The following STRADB variants were observed in gnomAD, a reference collection of about 807,000 sequenced individuals.
The protein encoded by STRADB is STE20 related adaptor beta.
Under a neutral mutation model 52.1 loss-of-function variants are expected in STRADB, and 34 were observed. The observed-to-expected ratio is 0.65, with a 90% CI of 0.50 to 0.87. STRADB has a LOEUF of 0.87. Among genes scored for constraint, STRADB ranks in the 40% least tolerant of loss-of-function variants. The pLI is 0.00. For synonymous variants in STRADB, 133 were observed against 174.5 expected (o/e 0.76, Z 1.87); for missense variants, 340 against 483.9 (o/e 0.70, Z 2.79).
intron 5 of STRADB, among the ~76,000 whole-genome samples, chr2:201,473,930 G>A (rs910903211): frequency 2.9e-5 from 4 of 137,018 alleles, no homozygotes; most frequent in African/African-American, 8.3e-5. Flanking sequence ...TTGCTCAGTC[G>A]CCCAGGCTGG....
At chr2:201,470,136 T>C in intron 4 of STRADB, 84 bp downstream of exon 4, 1 of 1,046,444 alleles carries the variant, frequency 9.6e-7, no homozygotes, top group East Asian at 2.5e-5. Flanking sequence ...GCAAGTGTTT[T>C]TCTGTTGTTA....
At chr2:201,478,647 A>G in intron 10 of STRADB, 46 bp downstream of exon 10, 1 of 1,583,952 alleles carries the variant, frequency 6.3e-7, no homozygotes, top group Non-Finnish European at 8.6e-7. Flanking sequence ...CATGTTTTAC[A>G]TTTTATAGAA....
intron 3 of STRADB, among the ~76,000 whole-genome samples, chr2:201,469,416 TAGG>T (rs1952355558): frequency 6.6e-6 from 1 of 152,196 alleles, no homozygotes; most frequent in South Asian, 2.1e-4. Context: ...GTCATTCACT[TAGG>T]AGGTCTGTCT....
chr2:201,473,275 T>C (rs1026147451), intron 5 of STRADB, among the ~76,000 whole-genome samples, 199 bp downstream of exon 5: 1 of 152,220 alleles, frequency 6.6e-6, no homozygotes, highest in Non-Finnish European at 1.5e-5. Context: ...TAGAAATGAT[T>C]TAAAGTATAT....
chr2:201,465,389 G>A (rs1952285251), intron 3 of STRADB, among the ~76,000 whole-genome samples: 1 of 152,000 alleles, frequency 6.6e-6, no homozygotes, highest in Non-Finnish European at 1.5e-5. Flanking sequence ...TAGAAATGTT[G>A]TCCAGGAGCT....
At chr2:201,474,111 C>T (rs1468897454) in intron 5 of STRADB, among the ~76,000 whole-genome samples, 1 of 152,108 alleles carries the variant, frequency 6.6e-6, no homozygotes, top group East Asian at 1.9e-4. Context: ...AGGATGGTCT[C>T]GATCTCCTGA....
chr2:201,474,699 G>A lies in STRADB; in HGVS notation c.368G>A (p.Trp123Ter). ...FFRHPNITTY[W>*]TVFTVGSWLW... ...CGGCATCCCAATATTACAACTTATT[G>A]GACAGTTTTCACTGTTGGCAGCTGG... Residue 123 changes from tryptophan to a stop codon, truncating the protein, a stop_gained, in exon 6 of 12, where the codon TGG becomes TAG. Transcript: ENST00000194530. LOFTEE classifies it high-confidence loss of function. The A allele has an allele frequency of 6.2e-7, 1 of 1,611,740 alleles. No homozygotes were observed. The highest frequency in any genetic ancestry group is 8.5e-7 in the Non-Finnish European group (1 of 1,179,308).
intron 1 of STRADB, among the ~76,000 whole-genome samples, chr2:201,453,912 T>C (rs1173187925): frequency 6.6e-6 from 1 of 152,226 alleles, no homozygotes; most frequent in Non-Finnish European, 1.5e-5. Flanking sequence ...CTTTGGTTCA[T>C]AGTGAACATC....
intron 7 of STRADB, 56 bp downstream of exon 7, chr2:201,475,798 A>G (rs1286593207): frequency 1.3e-6 from 2 of 1,538,910 alleles, no homozygotes; most frequent in African/African-American, 2.8e-5. Context: ...GAACTCTTTG[A>G]AGGAGGTTTT....
rs1952102797 is a variant in STRADB at position 201,454,785 on chromosome 2, GC to G, written c.-54del. 1.3e-6 allele frequency: 2 copies of G among 1,537,988 alleles called. No homozygotes were observed. Among genetic ancestry groups the G allele is most frequent in the South Asian group, 1.2e-5 (1 of 83,880 alleles). On this transcript the variant is annotated 5_prime_UTR_variant, in exon 2 of 12. Coordinates refer to ENST00000194530, the MANE Select transcript of STRADB (RefSeq NM_018571.6). ...ATCTTGAAAGGAAGATAAAACAAAA[GC>G]CTTCTTTGGAATAGATGGATTTTTG...
chr2:201,460,358 T>C (rs896155221), intron 3 of STRADB, among the ~76,000 whole-genome samples: 3 of 152,240 alleles, frequency 2.0e-5, no homozygotes, highest in Non-Finnish European at 4.4e-5. Flanking sequence ...TCTATCACTT[T>C]AAGCATAAAT....
intron 3 of STRADB, among the ~76,000 whole-genome samples, chr2:201,464,908 T>C (rs1952274899): frequency 1.3e-5 from 2 of 152,204 alleles, no homozygotes; most frequent in Admixed American, 6.5e-5. Flanking sequence ...TGCCTGGCTA[T>C]TGCCAGTGTT....
At chr2:201,478,903 G>A (rs1166286178) in intron 10 of STRADB, among the ~76,000 whole-genome samples, 6 of 151,890 alleles carry the variant, frequency 4.0e-5, no homozygotes, top group East Asian at 1.9e-4. Flanking sequence ...GTGAAACCCC[G>A]TCTCTACTAA....
In STRADB at chr2:201,475,741, A is replaced by G; in HGVS notation, c.547A>G (p.Arg183Gly). The G allele has an allele frequency of 6.3e-7, 1 of 1,594,192 alleles. No individual in the cohort carries two copies. ...NYLHQNGCIH[R>G]SIKASHILIS... ...TCTGCACCAAAATGGCTGTATTCACAGGTATTTACTTATTTGTATTTATTA... is the reference window on the plus strand; with the variant it reads ...TCTGCACCAAAATGGCTGTATTCACGGGTATTTACTTATTTGTATTTATTA... Residue 183 changes from arginine to glycine, a missense_variant and splice_region_variant, in exon 7 of 12, where the codon AGG becomes GGG. Coordinates refer to ENST00000194530, the MANE Select transcript of STRADB (RefSeq NM_018571.6).
intron 3 of STRADB, among the ~76,000 whole-genome samples, chr2:201,467,356 C>T (rs1952319933): frequency 6.6e-6 from 1 of 152,184 alleles, no homozygotes; most frequent in Non-Finnish European, 1.5e-5. Context: ...GCTGACCATT[C>T]CCTCTTCACT....
At chr2:201,452,866 T>A (rs1952068695) in intron 1 of STRADB, among the ~76,000 whole-genome samples, 1 of 152,254 alleles carries the variant, frequency 6.6e-6, no homozygotes, top group Non-Finnish European at 1.5e-5. Flanking sequence ...TGAAATTACT[T>A]ATAAAGCTTT....
intron 4 of STRADB, 59 bp downstream of exon 4, chr2:201,470,111 AAGAT>A: frequency 2.2e-6 from 3 of 1,339,644 alleles, no homozygotes; most frequent in Non-Finnish European, 3.2e-6. Context: ...TGATGACAAA[AAGAT>A]TATTTTGTGG....
chr2:201,453,507 A>G (rs781231595), intron 1 of STRADB, among the ~76,000 whole-genome samples: 7 of 152,176 alleles, frequency 4.6e-5, no homozygotes, highest in African/African-American at 1.2e-4. Flanking sequence ...TTAACAGTGT[A>G]TTGACTATGA....
In STRADB at chr2:201,480,404, C is replaced by A; in HGVS notation, c.*229C>A. On this transcript the variant is annotated 3_prime_UTR_variant, in exon 12 of 12. Coordinates refer to ENST00000194530, the MANE Select transcript of STRADB (RefSeq NM_018571.6). ...TCAGAATTACTAATCTAGCTAGTGTCATTTATTCTGGAATTTTTTTCTAAG... is the reference window on the plus strand; with the variant it reads ...TCAGAATTACTAATCTAGCTAGTGTAATTTATTCTGGAATTTTTTTCTAAG... 1 of 1,260,082 alleles carries A rather than the reference C, an allele frequency of 7.9e-7. No homozygotes were observed. The highest frequency in any genetic ancestry group is 3.2e-5 in the East Asian group (1 of 31,228). 78.1% of individuals were successfully genotyped at this position (1,260,082 alleles called of 1,614,324 possible).
Sources: gnomAD v4.1 joint callset for allele counts (sites outside exome capture counted in the v4.1 genomes callset) on GRCh38, gnomAD v4.1.1 for gene constraint, MANE v1.5 for transcripts, NCBI Gene and HGNC (gene_info 2026-07-23, HGNC 2026-07-21) for gene names.